The following ADGRG2 variants were observed in gnomAD, a reference collection of about 807,000 sequenced individuals.
The protein encoded by ADGRG2 is G protein-coupled receptor 64.
In ADGRG2, 26 loss-of-function variants were observed where a neutral mutation model predicts 74.1. The observed-to-expected ratio is 0.35, with a 90% CI of 0.26 to 0.49. ADGRG2 has a LOEUF of 0.49. Among genes scored for constraint, ADGRG2 ranks in the 20% least tolerant of loss-of-function variants. ADGRG2 has a pLI of 0.99. For synonymous variants in ADGRG2, 296 were observed against 295.2 expected (o/e 1.00, Z -0.03); for missense variants, 619 against 763.1 (o/e 0.81, Z 2.22).
At chrX:19,011,224 G>A (rs2060349417) in intron 16 of ADGRG2, among the ~76,000 whole-genome samples, 1 of 111,366 alleles carries the variant, frequency 9.0e-6, no homozygotes, top group African/African-American at 3.3e-5. Flanking sequence ...TGGTGGCCAG[G>A]GGCTGGGGGT....
rs1195796341 is a variant in ADGRG2, at chrX:19,033,486, TTTG to T, written c.304+124_304+126del. 6.9e-6 allele frequency: 3 copies of T among 434,095 alleles called. No individual in the cohort carries two copies. In the East Asian group the frequency reaches 1.2e-4, roughly 17 times the overall value. The allele number at this position is 434,095 out of a possible 1,213,427, so 35.8% of individuals were successfully genotyped here. On this transcript the variant is annotated intron_variant, in intron 8 of 28. Transcript: ENST00000379869. The stretch of plus-strand genomic sequence containing the variant: ...CAGGTACCCAGTGCATACACATCTG[TTTG>T]TTAAGACCAGATTTTATCTTGAAAA...
At position 19,007,369 on chromosome X, in the gene ADGRG2, A is replaced by G; in HGVS notation, c.1567-12T>C. 1 of 1,202,267 alleles carries G rather than the reference A, an allele frequency of 8.3e-7. No individual in the cohort carries two copies. The highest frequency in any genetic ancestry group is 1.1e-6 in the Non-Finnish European group (1 of 886,724). ...TCCAGGGAAGGATCCTGGCACATCA[A>G]GATGGCAAGGGTAAATGAGATATTG... On this transcript the variant is annotated splice_polypyrimidine_tract_variant and intron_variant, in intron 19 of 28. Transcript: ENST00000379869.
intron 9 of ADGRG2, 22 bp downstream of exon 9, chrX:19,030,962 T>A: frequency 9.5e-7 from 1 of 1,053,648 alleles, no homozygotes; most frequent in Non-Finnish European, 1.3e-6. Flanking sequence ...TCTGGTAATG[T>A]GTAATGTACA....
chrX:19,095,143 G>A (rs978846197), intron 1 of ADGRG2, among the ~76,000 whole-genome samples: 4 of 112,169 alleles, frequency 3.6e-5, no homozygotes, highest in African/African-American at 1.3e-4. Flanking sequence ...CCAGCAGCAC[G>A]GATGCTGCAT....
chrX:19,014,081 G>A lies in ADGRG2; in HGVS notation c.711-7C>T, dbSNP rs759527265. On this transcript the variant is annotated splice_polypyrimidine_tract_variant and splice_region_variant and intron_variant, in intron 15 of 28. Transcript: ENST00000379869. ...AATGGGATCCTGCAGGTCACTAAAG[G>A]AACAAATCAGAGAGATACATGTGAG... 1 of 1,177,994 alleles carries A rather than the reference G, an allele frequency of 8.5e-7. No homozygotes were observed. Among genetic ancestry groups the A allele is most frequent in the South Asian group, 1.9e-5 (1 of 52,075 alleles).
At chrX:19,046,031 C>A (rs1438366130) in intron 3 of ADGRG2, among the ~76,000 whole-genome samples, 1 of 111,362 alleles carries the variant, frequency 9.0e-6, no homozygotes, top group Non-Finnish European at 1.9e-5. Context: ...ACTATAGGCA[C>A]ATACCACTAC....
rs1417212189 is a variant in ADGRG2 at position 19,068,703 on chromosome X, AAC to A, written c.118+12_118+13del. On this transcript the variant is annotated intron_variant, in intron 3 of 28. Transcript: ENST00000379869. ...AACAGAAAAAAAAAAAATGAAGAAA[AAC>A]AGACACATTACCTTCCAGGGATGTT... 9.0e-6 allele frequency: 7 copies of A among 781,728 alleles called. No homozygotes were observed. Among genetic ancestry groups the A allele is most frequent in the Non-Finnish European group, 1.3e-5 (7 of 537,690 alleles). 64.4% of individuals were successfully genotyped at this position (781,728 alleles called of 1,213,427 possible). A position where few individuals can be genotyped will look rare whatever the true frequency, so the allele number is the denominator to read the frequency against.
intron 1 of ADGRG2, among the ~76,000 whole-genome samples, chrX:19,091,504 A>T (rs1026258283): frequency 9.5e-6 from 1 of 105,156 alleles, no homozygotes; most frequent in Admixed American, 1.0e-4. Flanking sequence ...ACACACACAC[A>T]CACACACACA....
intron 9 of ADGRG2, among the ~76,000 whole-genome samples, chrX:19,028,863 T>C (rs1385773768): frequency 8.9e-6 from 1 of 111,941 alleles, no homozygotes; most frequent in East Asian, 2.8e-4. Flanking sequence ...TTTTTGGTGA[T>C]TGAGCAGGTA....
Position 19,073,130 on chromosome X carries a change from G to A in ADGRG2, c.-1-4295C>T, listed in dbSNP as rs762141338. The stretch of plus-strand genomic sequence containing the variant: ...AATGCCACTATGCTTCTTGCACAGC[G>A]TGCAGAACCAGGAGCTAATTAAACC... On this transcript the variant is annotated intron_variant, in intron 2 of 28. Coordinates refer to ENST00000379869, the MANE Select transcript of ADGRG2 (RefSeq NM_001079858.3). Among the ~76,000 whole-genome samples the A allele has an allele frequency of 4.5e-5, 5 of 112,136 alleles. No homozygotes were observed. The East Asian group carries it at 1.4e-3, about 31-fold the overall frequency.
intron 3 of ADGRG2, among the ~76,000 whole-genome samples, chrX:19,066,109 A>G (rs2061564529): frequency 8.9e-6 from 1 of 112,420 alleles, no homozygotes; most frequent in Non-Finnish European, 1.9e-5. Flanking sequence ...CGGCCTCCCA[A>G]AGTGCTGGGA....
chrX:18,991,699 G>A (rs887986636), intron 28 of ADGRG2, among the ~76,000 whole-genome samples: 4 of 112,060 alleles, frequency 3.6e-5, no homozygotes, highest in African/African-American at 1.3e-4. Context: ...TGGTTTGGAC[G>A]TGGGCCTTCC....
intron 3 of ADGRG2, among the ~76,000 whole-genome samples, chrX:19,053,065 C>G (rs2061351198): frequency 8.9e-6 from 1 of 111,818 alleles, no homozygotes; most frequent in East Asian, 2.8e-4. Flanking sequence ...CAACCATCAC[C>G]ACCTTCTCTT....
At chrX:18,991,157 T>C in intron 28 of ADGRG2, 109 bp from the exon 29 acceptor site, 1 of 412,315 alleles carries the variant, frequency 2.4e-6, no homozygotes, top group Non-Finnish European at 4.0e-6. Flanking sequence ...GTAAAATATG[T>C]TTTTAAAAAC....
chrX:19,037,852 C>T (rs1421511576), intron 4 of ADGRG2, among the ~76,000 whole-genome samples: 1 of 111,472 alleles, frequency 9.0e-6, no homozygotes, highest in Non-Finnish European at 1.9e-5. Flanking sequence ...AACCTGAGAC[C>T]CGTGATTGCA....
rs2060410750 is a variant in ADGRG2 at position 19,013,913 on chromosome X, T to C, written c.872A>G (p.Asn291Ser). The change falls in exon 16 of 29, where the codon AAT (asparagine) becomes AGT (serine). Residue 291 changes from asparagine to serine, a missense_variant. This residue lies in a region of ADGRG2 where 292 missense variants were observed against 318.0 expected (regional missense o/e 0.92). Transcript: ENST00000379869. Reference protein sequence around the residue: ...EPPDYSPVTHNVPSPIGEIQP... With the variant: ...EPPDYSPVTHSVPSPIGEIQP... ...AATCTCCCCTATTGGAGAGGGAACA[T>C]TGTGGGTCACAGGTGAATAATCTGG... 5.8e-6 allele frequency: 7 copies of C among 1,208,081 alleles called. No homozygotes were observed. Among genetic ancestry groups the C allele is most frequent in the African/African-American group, 1.8e-5 (1 of 56,673 alleles).
rs775351160 is a variant in ADGRG2, at chrX:19,006,260, C to T, written c.1695G>A (p.Glu565=). Residue 565 remains glutamate, a synonymous_variant, in exon 21 of 29, where the codon GAG becomes GAA. Transcript: ENST00000379869. ...TLKHINPSQD[E]LTVRCVFWDL... ...CCCAAAATACACATCTCACTGTTAA[C>T]TCATCCTGTGGTAGAAAGATAAATC... 7.0e-6 allele frequency: 8 copies of T among 1,142,814 alleles called. No individual in the cohort carries two copies. In the East Asian group the frequency reaches 2.1e-4, roughly 30 times the overall value. 94.2% of individuals were successfully genotyped at this position (1,142,814 alleles called of 1,213,427 possible). A position where few individuals can be genotyped will look rare whatever the true frequency, so the allele number is the denominator to read the frequency against.
intron 3 of ADGRG2, among the ~76,000 whole-genome samples, chrX:19,059,127 G>T (rs1431647663): frequency 9.0e-6 from 1 of 111,670 alleles, no homozygotes; most frequent in Non-Finnish European, 1.9e-5. Flanking sequence ...AGGCTGCAGT[G>T]AGCCATGATT....
At chrX:19,116,563 T>C (rs948009363) in intron 1 of ADGRG2, among the ~76,000 whole-genome samples, 1 of 98,388 alleles carries the variant, frequency 1.0e-5, no homozygotes, top group Non-Finnish European at 2.0e-5. Context: ...GGAGTTTGAG[T>C]CATGGACTTA....
Sources: allele counts gnomAD v4.1 joint callset (sites outside exome capture counted in the v4.1 genomes callset), GRCh38; gene constraint gnomAD v4.1.1; regional missense constraint gnomAD v4.1.1; transcripts MANE v1.5; gene names NCBI Gene and HGNC (gene_info 2026-07-23, HGNC 2026-07-21).